The following ZBTB20 variants were observed in gnomAD, a reference collection of about 807,000 sequenced individuals.
The protein encoded by ZBTB20 is zinc finger and BTB domain-containing protein 20.
ZBTB20 carries 9 observed loss-of-function variants against 56.9 expected under a neutral mutation model. That is an observed-to-expected ratio of 0.16 (90% CI 0.10 to 0.28). The LOEUF (loss-of-function observed/expected upper bound fraction) is 0.28, where lower values mean the gene tolerates loss of function less well. Ranked by LOEUF, ZBTB20 falls within the 10% of genes least tolerant of loss-of-function variation. The pLI is 1.00. For missense variants in ZBTB20, 655 were observed against 1,003.0 expected (o/e 0.65, Z 4.69); for synonymous variants, 417 against 420.7 (o/e 0.99, Z 0.11).
intron 4 of ZBTB20, among the ~76,000 whole-genome samples, chr3:114,891,287 T>G (rs1172554403): frequency 6.6e-6 from 1 of 151,950 alleles, no homozygotes; most frequent in Non-Finnish European, 1.5e-5. Flanking sequence ...CTGCCTAACT[T>G]AAAAAAAATG....
chr3:114,997,766 A>G (rs997603454), intron 2 of ZBTB20, among the ~76,000 whole-genome samples: 2 of 151,790 alleles, frequency 1.3e-5, no homozygotes, highest in Non-Finnish European at 2.9e-5. Flanking sequence ...ACAAAACTTC[A>G]TGAAAAGAGG....
Position 114,597,212 on chromosome 3 carries a change from G to C in ZBTB20, c.-295+96316C>G, listed in dbSNP as rs146548049. Among the ~76,000 whole-genome samples the C allele has an allele frequency of 3.2e-4, 49 of 152,234 alleles. 1 individual carries two copies. The East Asian group carries it at 8.9e-3, about 28-fold the overall frequency. Reference sequence around the variant, plus strand: ...TCTCCACAGTCCTACTGAAAGTAGTGACCCCTAGTGGGTTTATTGCACGAT... The same window carrying C: ...TCTCCACAGTCCTACTGAAAGTAGTCACCCCTAGTGGGTTTATTGCACGAT... On this transcript the variant is annotated intron_variant, in intron 6 of 11. Transcript: ENST00000675478.
At chr3:115,105,942 T>G (rs995471837) in intron 1 of ZBTB20, among the ~76,000 whole-genome samples, 1 of 151,050 alleles carries the variant, frequency 6.6e-6, no homozygotes, top group Non-Finnish European at 1.5e-5. Context: ...CTCAGCCTCC[T>G]GACTAGCTGG....
At chr3:114,366,647 G>C (rs911376725) in intron 10 of ZBTB20, 1 of 152,166 alleles carries the variant, frequency 6.6e-6, no homozygotes, top group East Asian at 1.9e-4. Flanking sequence ...CTATTACTAG[G>C]AGGCTTTTAG....
chr3:114,580,094 G>T (rs558746352), intron 6 of ZBTB20, among the ~76,000 whole-genome samples: 194 of 151,692 alleles, frequency 1.3e-3, no homozygotes, highest in African/African-American at 4.5e-3. Flanking sequence ...TTTAAAGATT[G>T]ATCTCCCCAT....
intron 3 of ZBTB20, among the ~76,000 whole-genome samples, chr3:114,932,785 C>T (rs1197242319): frequency 6.6e-6 from 1 of 151,812 alleles, no homozygotes; most frequent in African/African-American, 2.4e-5. Flanking sequence ...ATCAATAGTT[C>T]CTCAAAGCCT....
rs1213283053 is a variant in ZBTB20 at position 114,326,949 on chromosome 3, A to G, written c.*12056T>C. The G allele has an allele frequency of 6.6e-6, 1 of 152,086 alleles. No individual in the cohort carries two copies. The highest frequency in any genetic ancestry group is 2.4e-5 in the African/African-American group (1 of 41,418). The allele number at this position is 152,086 out of a possible 1,614,324, so 9.4% of individuals were successfully genotyped here. On this transcript the variant is annotated 3_prime_UTR_variant, in exon 12 of 12. Coordinates refer to ENST00000675478, the MANE Select transcript of ZBTB20 (RefSeq NM_001348800.3). ...ATGCAGACTTTCTGAAATGCATTGT[A>G]TGTGTGTGTGTTGCAGAGGGAGAGG...
At chr3:114,346,075 C>T (rs1298653175) in intron 11 of ZBTB20, among the ~76,000 whole-genome samples, 1 of 152,116 alleles carries the variant, frequency 6.6e-6, no homozygotes, top group East Asian at 1.9e-4. Context: ...ATAAGGAAGT[C>T]CTCCGTGGTT....
At chr3:114,406,114 G>GT (rs2087298723) in intron 7 of ZBTB20, among the ~76,000 whole-genome samples, 1 of 151,956 alleles carries the variant, frequency 6.6e-6, no homozygotes, top group African/African-American at 2.4e-5. Context: ...TTGAAAAGAC[G>GT]TTTGGTACTG....
intron 6 of ZBTB20, among the ~76,000 whole-genome samples, chr3:114,640,012 AT>A (rs150441867): frequency 6.0e-4 from 91 of 151,754 alleles, no homozygotes; most frequent in African/African-American, 1.3e-3. Flanking sequence ...TAGTAGTTTA[AT>A]TTTTTTTTAT....
chr3:115,054,711 T>C (rs535983103), intron 2 of ZBTB20, among the ~76,000 whole-genome samples: 2 of 152,248 alleles, frequency 1.3e-5, no homozygotes, highest in South Asian at 2.1e-4. Flanking sequence ...ACTTTGATTA[T>C]TATAAATCAC....
At chr3:114,367,405 A>G (rs1429185448) in intron 10 of ZBTB20, among the ~76,000 whole-genome samples, 2 of 152,082 alleles carry the variant, frequency 1.3e-5, no homozygotes, top group African/African-American at 4.8e-5. Flanking sequence ...TAGCTGGACT[A>G]CAAGTGCACA....
At chr3:114,610,574 T>A (rs1048004339) in intron 6 of ZBTB20, among the ~76,000 whole-genome samples, 4 of 152,216 alleles carry the variant, frequency 2.6e-5, no homozygotes, top group African/African-American at 9.6e-5. Flanking sequence ...TAACTGGGGT[T>A]GACTGGTTAG....
At chr3:114,557,773 A>G (rs1255820646) in intron 6 of ZBTB20, among the ~76,000 whole-genome samples, 1 of 151,990 alleles carries the variant, frequency 6.6e-6, no homozygotes, top group East Asian at 1.9e-4. Flanking sequence ...TGCATTATAT[A>G]TGAATGTGAT....
chr3:114,912,978 T>G lies in ZBTB20; in HGVS notation c.-455-12636A>C, dbSNP rs577953408. ...TGGGCCATATTTTCTTTATCCATTC[T>G]TTTGTTAATGGACACTTAGGTTGCT... is the stretch of plus-strand genomic sequence containing the variant. On this transcript the variant is annotated intron_variant, in intron 3 of 11. Transcript: ENST00000675478. 6.6e-5 allele frequency among the ~76,000 whole-genome samples: 10 copies of G among 152,194 alleles called. No homozygotes were observed. The South Asian group carries it at 1.0e-3, about 16-fold the overall frequency.
intron 2 of ZBTB20, among the ~76,000 whole-genome samples, chr3:115,051,125 T>G (rs946215954): frequency 2.6e-5 from 4 of 152,116 alleles, no homozygotes; most frequent in Non-Finnish European, 5.9e-5. Context: ...GCTAGGTACA[T>G]TCATTCAATA....
intron 7 of ZBTB20, among the ~76,000 whole-genome samples, chr3:114,409,572 C>T (rs1393894188): frequency 4.6e-5 from 7 of 152,044 alleles, no homozygotes; most frequent in African/African-American, 1.7e-4. Flanking sequence ...CTACTCGGCA[C>T]TTCCCCCGTA....
intron 1 of ZBTB20, among the ~76,000 whole-genome samples, chr3:115,141,635 C>G (rs998353115): frequency 5.9e-5 from 9 of 152,062 alleles, no homozygotes; most frequent in Admixed American, 5.9e-4. Flanking sequence ...AGTATGAAGG[C>G]CAAAAGAAAA....
At chr3:114,593,998 T>A (rs1389967447) in intron 6 of ZBTB20, among the ~76,000 whole-genome samples, 1 of 152,198 alleles carries the variant, frequency 6.6e-6, no homozygotes, top group East Asian at 1.9e-4. Context: ...CTTGCTGAGT[T>A]AGAATCAGGC....
Sources: allele counts gnomAD v4.1 joint callset (sites outside exome capture counted in the v4.1 genomes callset), GRCh38; gene constraint gnomAD v4.1.1; transcripts MANE v1.5; gene names NCBI Gene and HGNC (gene_info 2026-07-23, HGNC 2026-07-21).